The following ABCD3 variants were observed in gnomAD, a reference collection of about 807,000 sequenced individuals.
ABCD3 encodes ATP-binding cassette sub-family D member 3.
Under a neutral mutation model 105.5 loss-of-function variants are expected in ABCD3, and 41 were observed. The observed-to-expected ratio is 0.39, with a 90% CI of 0.30 to 0.50. ABCD3 has a LOEUF of 0.50. Ranked by LOEUF, ABCD3 falls within the 20% of genes least tolerant of loss-of-function variation. The pLI, the probability that ABCD3 is intolerant of heterozygous loss-of-function variation, is 0.84. For missense variants in ABCD3, 622 were observed against 806.3 expected, an observed-to-expected ratio of 0.77 and a Z score of 2.77; for synonymous variants, 258 against 269.0, an observed-to-expected ratio of 0.96 and a Z score of 0.40.
At chr1:94,496,694 G>GTTTTTTTTTTT (rs71094302) in intron 16 of ABCD3, among the ~76,000 whole-genome samples, 16 of 39,374 alleles carry the variant, frequency 4.1e-4, no homozygotes, top group South Asian at 1.9e-3. Context: ...CCTTGTTTCT[G>GTTTTTTTTTTT]TTTTTTTTTT....
chr1:94,447,959 C>A (rs577753220), intron 1 of ABCD3, among the ~76,000 whole-genome samples: 1 of 152,206 alleles, frequency 6.6e-6, no homozygotes, highest in South Asian at 2.1e-4. Flanking sequence ...ATCCTAGTCT[C>A]ACTAGCCCTT....
Position 94,440,495 on chromosome 1 carries a change from G to A in ABCD3, c.111-18112G>A, listed in dbSNP as rs113315344. On this transcript the variant is annotated intron_variant, in intron 1 of 22. Coordinates refer to ENST00000370214, the MANE Select transcript of ABCD3 (RefSeq NM_002858.4). ...TCTTCAAGGGTCCAGGCTGCTCCAA[G>A]CCCAATAGACATTACCTTGAACTCC... is the stretch of plus-strand genomic sequence containing the variant. 9.3e-3 allele frequency among the ~76,000 whole-genome samples: 1,417 copies of A among 152,282 alleles called. 27 individuals are homozygous for A. The highest frequency in any genetic ancestry group is 0.033 in the African/African-American group (1,370 of 41,556).
intron 7 of ABCD3, 64 bp from the exon 8 acceptor site, chr1:94,478,192 ATGT>A (rs1648854524): frequency 2.1e-6 from 2 of 943,228 alleles, no homozygotes; most frequent in Admixed American, 1.8e-5. Context: ...TATAGTTAAC[ATGT>A]TGTATTAGCT....
the ABCD3 span, among the ~76,000 whole-genome samples, chr1:94,410,476 G>T: frequency 2.1e-4 from 32 of 152,202 alleles, no homozygotes; most frequent in African/African-American, 6.3e-4. Flanking sequence ...AGAGAGAAAG[G>T]CCTGTGCTTC....
chr1:94,420,778 A>T (rs1302926245), intron 1 of ABCD3, among the ~76,000 whole-genome samples: 1 of 152,108 alleles, frequency 6.6e-6, no homozygotes, highest in Non-Finnish European at 1.5e-5. Context: ...TTTATATTTG[A>T]GTGGGCTTTT....
intron 4 of ABCD3, chr1:94,472,224 T>C: frequency 1.0e-6 from 1 of 980,926 alleles, no homozygotes; most frequent in Non-Finnish European, 1.2e-6. Flanking sequence ...TTTTTAAATT[T>C]ATAGCTGCTA....
chr1:94,477,227 C>CAAA (rs561060182), intron 7 of ABCD3, among the ~76,000 whole-genome samples: 15 of 44,306 alleles, frequency 3.4e-4, no homozygotes, highest in African/African-American at 7.1e-4. Context: ...ACTTATAAGG[C>CAAA]AAAAAAAAAA....
At chr1:94,469,990 C>T (rs77344366) in intron 4 of ABCD3, among the ~76,000 whole-genome samples, 6,162 of 152,108 alleles carry the variant, frequency 0.041, 176 homozygotes, top group Non-Finnish European at 0.058. Flanking sequence ...GTAGCAATCA[C>T]GTTTGAATTT....
intron 2 of ABCD3, among the ~76,000 whole-genome samples, chr1:94,461,277 A>G (rs1300226566): frequency 6.6e-6 from 1 of 152,062 alleles, no homozygotes; most frequent in Non-Finnish European, 1.5e-5. Flanking sequence ...GAAATTTTTT[A>G]TATCCTTTGT....
intron 1 of ABCD3, among the ~76,000 whole-genome samples, chr1:94,448,839 G>A (rs1357174885): frequency 6.6e-6 from 1 of 152,190 alleles, no homozygotes; most frequent in Non-Finnish European, 1.5e-5. Flanking sequence ...AGCCATAGTG[G>A]AAAAAATGAA....
chr1:94,416,531 G>T (rs554582948), upstream of ABCD3, among the ~76,000 whole-genome samples: 11 of 152,046 alleles, frequency 7.2e-5, no homozygotes, highest in Non-Finnish European at 1.6e-4. Context: ...TGAGGTCGTT[G>T]GGGCTCACAA....
chr1:94,462,718 GT>G (rs570183652), intron 2 of ABCD3, among the ~76,000 whole-genome samples: 5 of 152,104 alleles, frequency 3.3e-5, no homozygotes, highest in Non-Finnish European at 7.4e-5. Flanking sequence ...CTAGAAACAG[GT>G]GGTCCTCTGT....
At chr1:94,479,993 T>C (rs996104058) in intron 8 of ABCD3, among the ~76,000 whole-genome samples, 1 of 151,922 alleles carries the variant, frequency 6.6e-6, no homozygotes, top group African/African-American at 2.4e-5. Context: ...GGTAAAGATG[T>C]GTAGTACTTA....
At chr1:94,464,746 C>G (rs1166772720) in intron 2 of ABCD3, 29 bp from the exon 3 acceptor site, 1 of 1,573,504 alleles carries the variant, frequency 6.4e-7, no homozygotes, top group South Asian at 1.1e-5. Context: ...TTATAGCTAT[C>G]TTAAAAGGGC....
the ABCD3 span, among the ~76,000 whole-genome samples, chr1:94,403,231 A>G: frequency 1.3e-5 from 2 of 152,058 alleles, no homozygotes; most frequent in Non-Finnish European, 2.9e-5. Flanking sequence ...GATGAGATTC[A>G]TATTATGCAT....
chr1:94,501,736 TTTC>T (rs1650107426), intron 20 of ABCD3, among the ~76,000 whole-genome samples: 1 of 152,190 alleles, frequency 6.6e-6, no homozygotes, highest in Non-Finnish European at 1.5e-5. Flanking sequence ...AGTAATAACT[TTTC>T]TTATTTTGAA....
At chr1:94,387,660 A>G in the ABCD3 span, among the ~76,000 whole-genome samples, 2 of 152,196 alleles carry the variant, frequency 1.3e-5, no homozygotes, top group Admixed American at 6.5e-5. Flanking sequence ...CATTCATAAA[A>G]CATAGTTGTG....
intron 7 of ABCD3, among the ~76,000 whole-genome samples, 180 bp from the exon 8 acceptor site, chr1:94,478,077 CTG>C (rs1389946195): frequency 2.6e-5 from 4 of 152,128 alleles, no homozygotes; most frequent in African/African-American, 7.2e-5. Context: ...GAGAGGAAAA[CTG>C]TTATCTTTCA....
chr1:94,515,384 G>A (rs1650871030), intron 22 of ABCD3, among the ~76,000 whole-genome samples, 182 bp downstream of exon 22: 1 of 151,930 alleles, frequency 6.6e-6, no homozygotes, highest in African/African-American at 2.4e-5. Flanking sequence ...AGTTTTGAAA[G>A]CAATGGTGTA....
Sources: gnomAD v4.1 joint callset for allele counts (sites outside exome capture counted in the v4.1 genomes callset) on GRCh38, gnomAD v4.1.1 for gene constraint, MANE v1.5 for transcripts, NCBI Gene and HGNC (gene_info 2026-07-23, HGNC 2026-07-21) for gene names.